GALNT5: variants seen among roughly 807,000 people sequenced by gnomAD.
GALNT5 encodes UDP-GalNAc:polypeptide N-acetylgalactosaminyltransferase 5.
A neutral mutation model predicts 85.4 loss-of-function variants in GALNT5; 72 were observed. That is an observed-to-expected ratio of 0.84 (90% CI 0.70 to 1.03). The LOEUF (loss-of-function observed/expected upper bound fraction) is 1.03, where lower values mean the gene tolerates loss of function less well. Ranked by LOEUF, GALNT5 falls within the 50% of genes least tolerant of loss-of-function variation. The pLI, the probability that GALNT5 is intolerant of heterozygous loss-of-function variation, is 0.00. For missense variants in GALNT5, 1,137 were observed against 1,135.5 expected (o/e 1.00, Z -0.02); for synonymous variants, 404 against 397.0 (o/e 1.02, Z -0.21).
At chr2:157,274,258 C>T (rs1682667731) in intron 1 of GALNT5, among the ~76,000 whole-genome samples, 1 of 152,158 alleles carries the variant, frequency 6.6e-6, no homozygotes, top group South Asian at 2.1e-4. Flanking sequence ...TCTTTACAAT[C>T]ATTAATAGTG....
Position 157,290,108 on chromosome 2 carries a change from T to TAC in GALNT5, c.1741+3975_1741+3976insCA, listed in dbSNP as rs1178776252. Reference sequence around the variant, plus strand: ...AAATGTATATATATATATATATATATATATACATACACAAACACATATATA... The same window carrying TAC: ...AAATGTATATATATATATATATATATACATATACATACACAAACACATATATA... On this transcript the variant is annotated intron_variant, in intron 3 of 9. Coordinates refer to ENST00000259056, the MANE Select transcript of GALNT5 (RefSeq NM_014568.3). 3.3e-3 allele frequency among the ~76,000 whole-genome samples: 257 copies of TAC among 77,428 alleles called. 1 individual carries two copies. Among genetic ancestry groups the TAC allele is most frequent in the African/African-American group, 0.014 (252 of 18,560 alleles). 50.8% of individuals were successfully genotyped at this position (77,428 alleles called of 152,430 possible).
At chr2:157,304,230 C>G (rs1683406418) in intron 7 of GALNT5, among the ~76,000 whole-genome samples, 1 of 152,122 alleles carries the variant, frequency 6.6e-6, no homozygotes, top group African/African-American at 2.4e-5. Flanking sequence ...TCCTTCTGTG[C>G]CTTGTGATGC....
At chr2:157,309,320 G>A (rs576693433) in intron 9 of GALNT5, among the ~76,000 whole-genome samples, 42 of 152,270 alleles carry the variant, frequency 2.8e-4, no homozygotes, top group African/African-American at 1.0e-3. Context: ...CATATTGGGA[G>A]TATTTATACC....
chr2:157,301,125 C>G (rs1683334493), intron 7 of GALNT5, 126 bp downstream of exon 7: 1 of 682,438 alleles, frequency 1.5e-6, no homozygotes, highest in Admixed American at 2.8e-5. Context: ...AAAGATGGGA[C>G]AAAGCATGGC....
rs79257880 is a variant in GALNT5, at chr2:157,265,681, T to C, written c.1454+6145T>C. ...TCTTGGCCCTGAAAATAACTTCCTA[T>C]TGGGCTTTTCTGGCTGATCCAATCA... is the stretch of plus-strand genomic sequence containing the variant. On this transcript the variant is annotated intron_variant, in intron 1 of 9. Coordinates refer to ENST00000259056, the MANE Select transcript of GALNT5 (RefSeq NM_014568.3). Among the ~76,000 whole-genome samples, 8 of 152,356 alleles carry C rather than the reference T, an allele frequency of 5.3e-5. No homozygotes were observed. The East Asian group carries it at 1.3e-3, about 26-fold the overall frequency.
At chr2:157,273,092 T>C (rs1436848608) in intron 1 of GALNT5, among the ~76,000 whole-genome samples, 1 of 152,190 alleles carries the variant, frequency 6.6e-6, no homozygotes, top group Non-Finnish European at 1.5e-5. Context: ...TGGTGTCTCA[T>C]TGTTCATTTA....
At chr2:157,278,742 C>T (rs1328283788) in intron 1 of GALNT5, among the ~76,000 whole-genome samples, 1 of 152,070 alleles carries the variant, frequency 6.6e-6, no homozygotes, top group African/African-American at 2.4e-5. Context: ...TTTTAGCTTC[C>T]TTTTGATGGG....
chr2:157,296,423 G>A lies in GALNT5; in HGVS notation c.1907G>A (p.Gly636Asp), dbSNP rs779184456. Residue 636 changes from glycine (G) to aspartate (D), a missense_variant, in exon 5 of 10, where the codon GGC becomes GAC. Coordinates refer to ENST00000259056, the MANE Select transcript of GALNT5 (RefSeq NM_014568.3). ...SYMTVDNFQR[G>D]IFVWPMNFGW... Reference sequence around the variant, plus strand: ...ATGACAGTGGATAACTTTCAAAGAGGCATCTTTGTGTGGCCCATGAACTTT... The same window carrying A: ...ATGACAGTGGATAACTTTCAAAGAGACATCTTTGTGTGGCCCATGAACTTT... 6.2e-7 allele frequency: 1 copy of A among 1,609,786 alleles called. No homozygotes were observed. The highest frequency in any genetic ancestry group is 8.5e-7 in the Non-Finnish European group (1 of 1,176,214).
Position 157,315,083 on chromosome 2 carries a change from A to T in GALNT5, c.*3735A>T, listed in dbSNP as rs184538930. ...ACAGAGCAAGACTCTATCTCAAAAA[A>T]TAATAATAATAATTTTTACCTCAGA... On this transcript the variant is annotated 3_prime_UTR_variant, in exon 10 of 10. Coordinates refer to ENST00000259056, the MANE Select transcript of GALNT5 (RefSeq NM_014568.3). 1.7e-3 allele frequency among the ~76,000 whole-genome samples: 251 copies of T among 145,460 alleles called. 2 individuals carry two copies. Among genetic ancestry groups the T allele is most frequent in the African/African-American group, 6.9e-3 (242 of 35,238 alleles).
intron 5 of GALNT5, 146 bp from the exon 6 acceptor site, chr2:157,299,402 A>C (rs773979538): frequency 1.2e-5 from 7 of 598,918 alleles, no homozygotes; most frequent in Non-Finnish European, 2.1e-5. Flanking sequence ...CTTAAGCCCT[A>C]TTTGTGACTC....
intron 9 of GALNT5, among the ~76,000 whole-genome samples, chr2:157,309,575 G>T (rs1683525335): frequency 1.3e-5 from 2 of 152,148 alleles, no homozygotes; most frequent in African/African-American, 2.4e-5. Flanking sequence ...CAAATCTACT[G>T]TCTACAGTAA....
chr2:157,269,815 C>T (rs1319873780), intron 1 of GALNT5, among the ~76,000 whole-genome samples: 1 of 152,116 alleles, frequency 6.6e-6, no homozygotes, highest in Non-Finnish European at 1.5e-5. Context: ...TAGTTAACTC[C>T]TCCTGATACA....
chr2:157,259,310 A>G lies in GALNT5; in HGVS notation c.1228A>G (p.Ile410Val). 1 of 1,594,812 alleles carries G rather than the reference A, an allele frequency of 6.3e-7. No homozygotes were observed. The highest frequency in any genetic ancestry group is 8.5e-7 in the Non-Finnish European group (1 of 1,172,424). The change falls in exon 1 of 10, where the codon ATA becomes GTA. Residue 410 changes from isoleucine (I) to valine (V), a missense_variant. Coordinates refer to ENST00000259056, the MANE Select transcript of GALNT5 (RefSeq NM_014568.3). ...CTCTACAGAATACAACCAGAGTCATATAAAAGCCCTTTTACCTGAAGACAG... is the reference window on the plus strand; with the variant it reads ...CTCTACAGAATACAACCAGAGTCATGTAAAAGCCCTTTTACCTGAAGACAG... ...APSTEYNQSH[I>V]KALLPEDSGT...
chr2:157,288,730 TG>T (rs1683028215), intron 3 of GALNT5, among the ~76,000 whole-genome samples: 1 of 152,208 alleles, frequency 6.6e-6, no homozygotes, highest in South Asian at 2.1e-4. Context: ...ATGTACATTT[TG>T]AAAGCTCATT....
chr2:157,269,918 C>T lies in GALNT5; in HGVS notation c.1454+10382C>T, dbSNP rs117310442. 1.4e-3 allele frequency among the ~76,000 whole-genome samples: 214 copies of T among 151,906 alleles called. 1 individual carries two copies. The East Asian group carries it at 0.038, about 27-fold the overall frequency. On this transcript the variant is annotated intron_variant, in intron 1 of 9. Transcript: ENST00000259056. ...CACAGCCGGGCTTGTTGGTTTATGCCGAATTTGTGTAATTGATCCTTTCTT... is the reference window on the plus strand; with the variant it reads ...CACAGCCGGGCTTGTTGGTTTATGCTGAATTTGTGTAATTGATCCTTTCTT...
chr2:157,271,657 T>G (rs1682587311), intron 1 of GALNT5, among the ~76,000 whole-genome samples: 1 of 152,208 alleles, frequency 6.6e-6, no homozygotes, highest in African/African-American at 2.4e-5. Flanking sequence ...GCAAGGTGGG[T>G]GGCGATGCCA....
chr2:157,299,704 G>A (rs756183893), intron 6 of GALNT5, 39 bp downstream of exon 6: 1 of 1,071,580 alleles, frequency 9.3e-7, no homozygotes, highest in South Asian at 1.3e-5. Flanking sequence ...TTACGATAAT[G>A]AGTTAATCAA....
At position 157,315,914 on chromosome 2, in the gene GALNT5, C is replaced by G. The variant is rs1207011172; in HGVS notation, c.*4566C>G. Among the ~76,000 whole-genome samples the G allele has an allele frequency of 6.6e-6, 1 of 151,972 alleles. No individual in the cohort carries two copies. The highest frequency in any genetic ancestry group is 6.6e-5 in the Admixed American group (1 of 15,248). ...CCTCATGTTGAGAAAGACAGTTGCTCAAGAGAGGGTTTTCTGGGTTTGGGG... is the reference window on the plus strand; with the variant it reads ...CCTCATGTTGAGAAAGACAGTTGCTGAAGAGAGGGTTTTCTGGGTTTGGGG... On this transcript the variant is annotated 3_prime_UTR_variant, in exon 10 of 10. Transcript: ENST00000259056.
In GALNT5 at chr2:157,301,433, G is replaced by A. The variant is rs538215093; in HGVS notation, c.2439+434G>A. The A allele has an allele frequency of 1.4e-5, 3 of 207,132 alleles. No homozygotes were observed. In the South Asian group the frequency reaches 2.4e-4, roughly 17 times the overall value. 12.8% of individuals were successfully genotyped at this position (207,132 alleles called of 1,614,324 possible). ...GTGGCTGAGAAATCCTCTCTGAGAA[G>A]GAGACTTTGTAACTCAGGCCTAAAA... On this transcript the variant is annotated intron_variant, in intron 7 of 9. Coordinates refer to ENST00000259056, the MANE Select transcript of GALNT5 (RefSeq NM_014568.3).
Sources: gnomAD v4.1 joint callset for allele counts (sites outside exome capture counted in the v4.1 genomes callset) on GRCh38, gnomAD v4.1.1 for gene constraint, MANE v1.5 for transcripts, NCBI Gene and HGNC (gene_info 2026-07-23, HGNC 2026-07-21) for gene names.